The following LMNTD1 variants were observed in gnomAD, a reference collection of about 807,000 sequenced individuals.
LMNTD1 encodes lamin tail domain-containing protein 1.
LMNTD1 carries 35 observed loss-of-function variants against 50.9 expected under a neutral mutation model. That is an observed-to-expected ratio of 0.69 (90% confidence interval 0.53 to 0.91). The LOEUF (loss-of-function observed/expected upper bound fraction) is 0.91. LMNTD1 is among the 40% of genes least tolerant of loss of function. The pLI is 0.00. For synonymous variants in LMNTD1, 153 were observed against 161.9 expected (o/e 0.94, Z 0.42); for missense variants, 470 against 475.5 (o/e 0.99, Z 0.11).
At chr12:25,524,907 C>A (rs1941597505) in intron 6 of LMNTD1, among the ~76,000 whole-genome samples, 2 of 152,310 alleles carry the variant, frequency 1.3e-5, no homozygotes. Context: ...CATCTAACAA[C>A]AACTGTTCCC....
chr12:25,631,830 AG>A, intron 1 of LMNTD1, among the ~76,000 whole-genome samples: 1 of 152,312 alleles, frequency 6.6e-6, no homozygotes, highest in South Asian at 2.1e-4. Flanking sequence ...AGAATTCAAG[AG>A]GTTAGTTATT....
intron 4 of LMNTD1, among the ~76,000 whole-genome samples, chr12:25,537,756 C>A (rs960010951): frequency 1.7e-4 from 26 of 152,260 alleles, no homozygotes; most frequent in African/African-American, 6.3e-4. Context: ...AAGAAGGCTT[C>A]AGATGATCAA....
At chr12:25,642,117 C>T (rs1301409419) in intron 1 of LMNTD1, among the ~76,000 whole-genome samples, 1 of 152,076 alleles carries the variant, frequency 6.6e-6, no homozygotes, top group Non-Finnish European at 1.5e-5. Context: ...GATTTAGATG[C>T]CATTTACAAA....
Position 25,549,480 on chromosome 12 carries a change from G to A in LMNTD1, c.156C>T (p.Ala52=), listed in dbSNP as rs1943631253. 3 of 1,613,036 alleles carry A rather than the reference G, an allele frequency of 1.9e-6. No individual in the cohort carries two copies. The East Asian group carries it at 6.7e-5, about 36-fold the overall frequency. The stretch of plus-strand genomic sequence containing the variant: ...TTGAAGATGACAATGGCAGTGTTGT[G>A]GCAACTGAACCCAACATCTTTGGGG... ...HFSPKMLGSV[A]TTLPLSSSNS... Residue 52 remains alanine (A), a synonymous_variant, in exon 3 of 10, where the codon GCC becomes GCT. Transcript: ENST00000458174.
intron 1 of LMNTD1, among the ~76,000 whole-genome samples, chr12:25,559,460 G>T (rs1001741861): frequency 3.9e-5 from 6 of 152,156 alleles, no homozygotes; most frequent in Non-Finnish European, 7.4e-5. Context: ...GGACATTTGG[G>T]TTGGTTCCAA....
chr12:25,648,488 A>G (rs1947120557), intron 1 of LMNTD1: 1 of 1,550,820 alleles, frequency 6.4e-7, no homozygotes, highest in Non-Finnish European at 8.7e-7. Flanking sequence ...TTCATTTCTC[A>G]CTTACTGTGG....
At chr12:25,482,462 G>A (rs1487328397) in intron 9 of LMNTD1, among the ~76,000 whole-genome samples, 1 of 151,944 alleles carries the variant, frequency 6.6e-6, no homozygotes, top group Non-Finnish European at 1.5e-5. Flanking sequence ...GCTACAATAA[G>A]GGATTATTAA....
At chr12:25,606,031 C>T (rs1946092723) in intron 1 of LMNTD1, among the ~76,000 whole-genome samples, 1 of 152,126 alleles carries the variant, frequency 6.6e-6, no homozygotes, top group Non-Finnish European at 1.5e-5. Flanking sequence ...TGTAGTTCTC[C>T]TTCAAGAGGT....
chr12:25,510,796 C>T (rs1056175499), intron 8 of LMNTD1, among the ~76,000 whole-genome samples: 7 of 152,050 alleles, frequency 4.6e-5, no homozygotes, highest in Non-Finnish European at 8.8e-5. Context: ...TCAGTCTGTC[C>T]TTCAGTATAC....
intron 1 of LMNTD1, among the ~76,000 whole-genome samples, chr12:25,581,351 G>A (rs1279592362): frequency 6.6e-6 from 1 of 152,188 alleles, no homozygotes; most frequent in Non-Finnish European, 1.5e-5. Flanking sequence ...CTGATAAAAT[G>A]TGAGGAGCAA....
At chr12:25,527,673 TATATATATACACACACAC>T (rs1173591471) in intron 4 of LMNTD1, among the ~76,000 whole-genome samples, 534 of 21,226 alleles carry the variant, frequency 0.025, 4 homozygotes, top group African/African-American at 0.052. Flanking sequence ...TATATATATA[TATATATATACACACACAC>T]ACACACACAC....
chr12:25,490,690 A>G (rs145094086), intron 9 of LMNTD1, among the ~76,000 whole-genome samples: 1 of 152,300 alleles, frequency 6.6e-6, no homozygotes, highest in African/African-American at 2.4e-5. Flanking sequence ...ATGTCCTCTA[A>G]TGCTGAGCCA....
Position 25,516,585 on chromosome 12 carries a change from T to A in LMNTD1, c.1189+2210A>T, listed in dbSNP as rs74879166. On this transcript the variant is annotated intron_variant, in intron 8 of 9. Coordinates refer to ENST00000458174, the MANE Select transcript of LMNTD1 (RefSeq NM_001145728.2). Reference sequence around the variant, plus strand: ...TTTACATCTATCTAATATATCTATATCTATATCTAAAGTTCACACACATGC... The same window carrying A: ...TTTACATCTATCTAATATATCTATAACTATATCTAAAGTTCACACACATGC... 3.9e-4 allele frequency among the ~76,000 whole-genome samples: 60 copies of A among 152,298 alleles called. No individual in the cohort carries two copies. The East Asian group carries it at 0.011, about 27-fold the overall frequency.
chr12:25,545,177 T>G (rs1263362783), intron 4 of LMNTD1, among the ~76,000 whole-genome samples: 2 of 151,714 alleles, frequency 1.3e-5, no homozygotes, highest in Non-Finnish European at 3.0e-5. Context: ...TCTCTTAGCT[T>G]TTGTTTGGGA....
chr12:25,581,221 G>A (rs12297449), intron 1 of LMNTD1, among the ~76,000 whole-genome samples: 9,045 of 152,262 alleles, frequency 0.059, 452 homozygotes, highest in African/African-American at 0.14. Context: ...TTATATACTA[G>A]GGATAAGCTA....
chr12:25,555,743 T>G (rs1211226565), upstream of LMNTD1, among the ~76,000 whole-genome samples: 1 of 152,198 alleles, frequency 6.6e-6, no homozygotes, highest in Non-Finnish European at 1.5e-5. Context: ...TTGTAATTAT[T>G]AAAGCTGAGT....
intron 1 of LMNTD1, among the ~76,000 whole-genome samples, chr12:25,571,788 G>C (rs1227022607): frequency 6.6e-6 from 1 of 152,120 alleles, no homozygotes; most frequent in African/African-American, 2.4e-5. Flanking sequence ...TCGTGCCTCA[G>C]TTTCTCAAGT....
intron 1 of LMNTD1, among the ~76,000 whole-genome samples, chr12:25,640,861 G>A (rs1346839057): frequency 1.3e-5 from 2 of 152,068 alleles, no homozygotes; most frequent in Admixed American, 1.3e-4. Flanking sequence ...CAGAGACGGG[G>A]TTTCACTGTG....
At chr12:25,593,072 C>T (rs1945748021) in intron 1 of LMNTD1, 1 of 148,562 alleles carries the variant, frequency 6.7e-6, no homozygotes, top group Non-Finnish European at 1.5e-5. Context: ...GTAAGACCCG[C>T]CCAAGAAGAG....
Sources: gnomAD v4.1 joint callset for allele counts (sites outside exome capture counted in the v4.1 genomes callset) on GRCh38, gnomAD v4.1.1 for gene constraint, MANE v1.5 for transcripts, NCBI Gene and HGNC (gene_info 2026-07-23, HGNC 2026-07-21) for gene names.